ADK: variants seen among roughly 807,000 people sequenced by gnomAD.
ADK encodes N6,N6-dimethyladenosine kinase.
A neutral mutation model predicts 44.7 loss-of-function variants in ADK; 24 were observed. The observed-to-expected ratio is 0.54, with a 90% CI of 0.39 to 0.76. The LOEUF (loss-of-function observed/expected upper bound fraction) is 0.76. ADK is among the 30% of genes least tolerant of loss of function. The pLI is 0.00. For missense variants in ADK, 321 were observed against 425.1 expected, an observed-to-expected ratio of 0.76 and a Z score of 2.15; for synonymous variants, 128 against 142.6, an observed-to-expected ratio of 0.90 and a Z score of 0.73.
At chr10:74,602,823 GAA>G (rs1349278822) in intron 9 of ADK, among the ~76,000 whole-genome samples, 2 of 152,180 alleles carry the variant, frequency 1.3e-5, no homozygotes, top group African/African-American at 4.8e-5. Context: ...AAGTGTAGCT[GAA>G]TCTCTTTGCT....
chr10:74,494,690 TCTCA>T (rs1027842033), intron 6 of ADK, among the ~76,000 whole-genome samples: 4 of 152,158 alleles, frequency 2.6e-5, no homozygotes, highest in Admixed American at 6.5e-5. Context: ...TGAGATATAG[TCTCA>T]CTCTGTTGCC....
intron 7 of ADK, among the ~76,000 whole-genome samples, chr10:74,559,037 A>T (rs759322750): frequency 6.6e-6 from 1 of 152,256 alleles, no homozygotes; most frequent in Non-Finnish European, 1.5e-5. Flanking sequence ...TGAACCCAAT[A>T]GGATGTCACA....
chr10:74,477,921 A>G (rs1846916975), intron 6 of ADK, among the ~76,000 whole-genome samples: 1 of 152,234 alleles, frequency 6.6e-6, no homozygotes, highest in African/African-American at 2.4e-5. Flanking sequence ...TTTCTTCAGA[A>G]AGTCACATAG....
intron 7 of ADK, among the ~76,000 whole-genome samples, chr10:74,536,541 C>T (rs1849455304): frequency 6.6e-6 from 1 of 150,500 alleles, no homozygotes; most frequent in South Asian, 2.1e-4. Flanking sequence ...GTGTACAAAT[C>T]AGTGGCATTA....
chr10:74,543,364 G>A (rs1484543141), intron 7 of ADK, among the ~76,000 whole-genome samples: 1 of 152,096 alleles, frequency 6.6e-6, no homozygotes, highest in Non-Finnish European at 1.5e-5. Context: ...CATTTTTTTA[G>A]TTGGATTTTC....
intron 9 of ADK, among the ~76,000 whole-genome samples, chr10:74,624,012 GA>G (rs777517332): frequency 1.3e-5 from 2 of 151,956 alleles, no homozygotes; most frequent in Non-Finnish European, 2.9e-5. Context: ...TTTTGGCTCA[GA>G]AAAAAATCTT....
At chr10:74,591,996 T>G (rs1851740837) in intron 8 of ADK, among the ~76,000 whole-genome samples, 1 of 151,902 alleles carries the variant, frequency 6.6e-6, no homozygotes, top group Non-Finnish European at 1.5e-5. Context: ...TTTTAATTGA[T>G]TATTATTCTG....
intron 10 of ADK, among the ~76,000 whole-genome samples, chr10:74,679,692 G>A (rs902215865): frequency 6.6e-6 from 1 of 151,876 alleles, no homozygotes; most frequent in African/African-American, 2.4e-5. Flanking sequence ...CCAGGCGCAG[G>A]GGCTCACACC....
rs549346039 is a variant in ADK at position 74,708,512 on chromosome 10, T to C, written c.*67T>C. 539 of 1,566,154 alleles carry C rather than the reference T, an allele frequency of 3.4e-4. 9 individuals are homozygous for C. In the South Asian group the frequency reaches 5.6e-3, roughly 16 times the overall value. On this transcript the variant is annotated 3_prime_UTR_variant, in exon 11 of 11. Coordinates refer to ENST00000539909, the MANE Select transcript of ADK (RefSeq NM_006721.4). Reference sequence around the variant, plus strand: ...CCTAATTGCTTCCTGAGAATTCCCATATTAATAAAGAAGAAAATTATCTGC... The same window carrying C: ...CCTAATTGCTTCCTGAGAATTCCCACATTAATAAAGAAGAAAATTATCTGC...
chr10:74,676,549 T>A (rs1855400489), intron 10 of ADK, among the ~76,000 whole-genome samples: 1 of 152,162 alleles, frequency 6.6e-6, no homozygotes, highest in Non-Finnish European at 1.5e-5. Context: ...CAATCATAGC[T>A]CACTGCAGCC....
intron 6 of ADK, among the ~76,000 whole-genome samples, chr10:74,486,631 A>G (rs939111095): frequency 6.6e-6 from 1 of 152,184 alleles, no homozygotes; most frequent in Admixed American, 6.5e-5. Context: ...CTCTGAGGCT[A>G]TAATGTGAGT....
intron 3 of ADK, among the ~76,000 whole-genome samples, chr10:74,296,749 C>G (rs574212890): frequency 2.0e-5 from 3 of 151,808 alleles, no homozygotes; most frequent in Admixed American, 6.6e-5. Flanking sequence ...GTAGCTGGGA[C>G]TAGAGGCTCC....
intron 6 of ADK, among the ~76,000 whole-genome samples, chr10:74,489,428 A>G (rs1847387411): frequency 6.6e-6 from 1 of 152,030 alleles, no homozygotes; most frequent in Non-Finnish European, 1.5e-5. Context: ...TAACAGCTCA[A>G]TGACTTGAAC....
At chr10:74,317,673 A>C (rs1166381621) in intron 4 of ADK, among the ~76,000 whole-genome samples, 3 of 152,210 alleles carry the variant, frequency 2.0e-5, no homozygotes, top group Admixed American at 1.3e-4. Flanking sequence ...ATATTAACAA[A>C]ATATGGGACC....
intron 4 of ADK, among the ~76,000 whole-genome samples, chr10:74,363,625 T>A (rs1842410375): frequency 6.6e-6 from 1 of 151,538 alleles, no homozygotes; most frequent in Admixed American, 6.6e-5. Flanking sequence ...CAGTAGACCC[T>A]GTAGACAAGA....
At chr10:74,688,246 C>T (rs888443800) in intron 10 of ADK, among the ~76,000 whole-genome samples, 1 of 152,272 alleles carries the variant, frequency 6.6e-6, no homozygotes, top group South Asian at 2.1e-4. Context: ...TCTCCTGTTA[C>T]TCAGTTCTTT....
intron 10 of ADK, among the ~76,000 whole-genome samples, chr10:74,700,916 C>G (rs1296352760): frequency 6.6e-6 from 1 of 152,166 alleles, no homozygotes; most frequent in African/African-American, 2.4e-5. Flanking sequence ...ATGAACCCAA[C>G]TATTTCCAAT....
At chr10:74,286,512 T>C (rs940390888) in intron 3 of ADK, among the ~76,000 whole-genome samples, 1 of 152,236 alleles carries the variant, frequency 6.6e-6, no homozygotes, top group Non-Finnish European at 1.5e-5. Flanking sequence ...ATATCTTCAG[T>C]TTAAACAGAT....
chr10:74,542,050 G>C (rs1849659799), intron 7 of ADK, among the ~76,000 whole-genome samples: 1 of 152,012 alleles, frequency 6.6e-6, no homozygotes, highest in African/African-American at 2.4e-5. Flanking sequence ...AGACCAGCCT[G>C]GGCAACATGG....
Sources: gnomAD v4.1 joint callset for allele counts (sites outside exome capture counted in the v4.1 genomes callset) on GRCh38, gnomAD v4.1.1 for gene constraint, MANE v1.5 for transcripts, NCBI Gene and HGNC (gene_info 2026-07-23, HGNC 2026-07-21) for gene names.